The following CES5A variants were observed in gnomAD, a reference collection of about 807,000 sequenced individuals.
CES5A encodes carboxylesterase 5A, also known as carboxylesterase 5.
A neutral mutation model predicts 62.9 loss-of-function variants in CES5A; 67 were observed. The observed-to-expected ratio is 1.07, with a 90% CI of 0.88 to 1.31. The LOEUF (loss-of-function observed/expected upper bound fraction) is 1.31, where lower values mean the gene tolerates loss of function less well. CES5A is among the 50% of genes most tolerant of loss of function. CES5A has a pLI of 0.00. For synonymous variants in CES5A, 296 were observed against 280.8 expected (o/e 1.05, Z -0.54); for missense variants, 748 against 708.5 (o/e 1.06, Z -0.63).
chr16:55,887,131 C>T (rs1391171550), intron 1 of CES5A, among the ~76,000 whole-genome samples: 4 of 152,078 alleles, frequency 2.6e-5, no homozygotes, highest in African/African-American at 9.7e-5. Flanking sequence ...AAGGCTAGAA[C>T]AGACCAGTCT....
chr16:55,887,914 G>A (rs527350342), intron 1 of CES5A, among the ~76,000 whole-genome samples: 46 of 152,264 alleles, frequency 3.0e-4, no homozygotes, highest in African/African-American at 1.1e-3. Context: ...TTTATAGGAT[G>A]GTTCTTGAGC....
Position 55,869,670 on chromosome 16 carries a change from G to A in CES5A, c.492C>T (p.Ala164=). ...ASIFDGSALA[A]YEDVLVVVVQ... ...CGACCACAACCAGCACGTCCTCATA[G>A]GCAGCCAGGGCGGACCCATCAAAGA... Residue 164 remains alanine (A), a synonymous_variant, in exon 4 of 13, where the codon GCC becomes GCT. Coordinates refer to ENST00000290567, the MANE Select transcript of CES5A (RefSeq NM_001143685.2). The A allele has an allele frequency of 6.2e-7, 1 of 1,613,160 alleles. No homozygotes were observed. Among genetic ancestry groups the A allele is most frequent in the South Asian group, 1.1e-5 (1 of 90,800 alleles).
At chr16:55,919,822 G>A (rs2034184035) in intron 1 of CES5A, among the ~76,000 whole-genome samples, 1 of 152,164 alleles carries the variant, frequency 6.6e-6, no homozygotes, top group African/African-American at 2.4e-5. Flanking sequence ...TGGCACATTT[G>A]AGCTCCTTCT....
chr16:55,902,553 T>C (rs2034001629), intron 1 of CES5A, among the ~76,000 whole-genome samples: 1 of 152,212 alleles, frequency 6.6e-6, no homozygotes, highest in African/African-American at 2.4e-5. Flanking sequence ...TTCTTCTCCA[T>C]GTCCTGACCT....
At chr16:55,945,756 C>T (rs1255548989) in intron 2 of CES5A, among the ~76,000 whole-genome samples, 2 of 152,308 alleles carry the variant, frequency 1.3e-5, no homozygotes, top group African/African-American at 4.8e-5. Flanking sequence ...GAAGGGTCTG[C>T]AGATCTATTT....
chr16:55,955,101 C>T (rs1223913161), intron 1 of CES5A, among the ~76,000 whole-genome samples: 2 of 152,210 alleles, frequency 1.3e-5, no homozygotes, highest in Non-Finnish European at 1.5e-5. Context: ...GTTCTGGCTG[C>T]TGCTTCCCTG....
At chr16:55,866,191 G>A (rs1319937602) in intron 4 of CES5A, 75 bp from the exon 5 acceptor site, 1 of 1,469,282 alleles carries the variant, frequency 6.8e-7, no homozygotes, top group African/African-American at 1.4e-5. Flanking sequence ...GTTCTCAGCA[G>A]AGGCTGTGGG....
intron 2 of CES5A, among the ~76,000 whole-genome samples, chr16:55,944,972 C>T (rs1444622214): frequency 6.6e-6 from 1 of 152,162 alleles, no homozygotes; most frequent in Admixed American, 6.6e-5. Context: ...TTCAAATCCG[C>T]CTCTGCTTCT....
intron 1 of CES5A, among the ~76,000 whole-genome samples, chr16:55,880,529 G>A (rs1028236475): frequency 6.6e-6 from 1 of 152,090 alleles, no homozygotes; most frequent in Non-Finnish European, 1.5e-5. Flanking sequence ...CTCAGGCTCT[G>A]CTTTCAGGCA....
intron 2 of CES5A, among the ~76,000 whole-genome samples, chr16:55,949,136 G>A (rs1253122624): frequency 3.3e-5 from 5 of 152,184 alleles, no homozygotes; most frequent in Admixed American, 1.3e-4. Flanking sequence ...CATAGGTTGG[G>A]ATCCACAGGA....
At chr16:55,949,823 A>C in exon 2 of CES5A, 1 of 1,520,098 alleles carries the variant, frequency 6.6e-7, no homozygotes, top group Non-Finnish European at 8.8e-7. Flanking sequence ...ATCAATCCTC[A>C]ATACATACAA....
chr16:55,916,537 C>T (rs908722353), intron 1 of CES5A, among the ~76,000 whole-genome samples: 4 of 152,186 alleles, frequency 2.6e-5, no homozygotes, highest in Admixed American at 2.6e-4. Flanking sequence ...TTTGCAAAAG[C>T]GATTTCATTA....
chr16:55,860,580 G>A (rs1419754938), intron 7 of CES5A, among the ~76,000 whole-genome samples: 2 of 152,182 alleles, frequency 1.3e-5, no homozygotes, highest in African/African-American at 4.8e-5. Flanking sequence ...GACTGTAGGG[G>A]TTGTAGGAGA....
At chr16:55,949,490 CA>C (rs1314708990) in intron 2 of CES5A, among the ~76,000 whole-genome samples, 1 of 152,106 alleles carries the variant, frequency 6.6e-6, no homozygotes, top group Non-Finnish European at 1.5e-5. Flanking sequence ...TGGCACATCA[CA>C]ATGCCCACCA....
intron 2 of CES5A, among the ~76,000 whole-genome samples, chr16:55,934,332 T>C (rs2034345333): frequency 6.6e-6 from 1 of 152,238 alleles, no homozygotes; most frequent in Non-Finnish European, 1.5e-5. Context: ...AGACATTCAG[T>C]TAGTATTTGT....
chr16:55,954,688 G>A (rs1207982501), intron 1 of CES5A, among the ~76,000 whole-genome samples: 4 of 152,146 alleles, frequency 2.6e-5, no homozygotes, highest in Non-Finnish European at 4.4e-5. Flanking sequence ...CCACAGTCCT[G>A]GCTGCAGAAC....
At chr16:55,935,943 T>A (rs768508670) in intron 2 of CES5A, among the ~76,000 whole-genome samples, 1 of 152,164 alleles carries the variant, frequency 6.6e-6, no homozygotes, top group Admixed American at 6.6e-5. Context: ...ATAAAAACAT[T>A]GAGTCAAAGA....
chr16:55,909,879 G>A (rs1426032594), intron 1 of CES5A, among the ~76,000 whole-genome samples: 2 of 152,120 alleles, frequency 1.3e-5, no homozygotes, highest in Admixed American at 1.3e-4. Context: ...GGTCCCTAAG[G>A]AGCCCCCAGC....
chr16:55,898,434 T>G (rs2033955837), intron 1 of CES5A, among the ~76,000 whole-genome samples: 1 of 152,186 alleles, frequency 6.6e-6, no homozygotes, highest in Non-Finnish European at 1.5e-5. Flanking sequence ...AAAAAGCTAG[T>G]TCTGCTTATT....
Sources: gnomAD v4.1 joint callset for allele counts (sites outside exome capture counted in the v4.1 genomes callset) on GRCh38, gnomAD v4.1.1 for gene constraint, MANE v1.5 for transcripts, NCBI Gene and HGNC (gene_info 2026-07-23, HGNC 2026-07-21) for gene names.